TSPAN19: variants seen among roughly 807,000 people sequenced by gnomAD.
TSPAN19 encodes the protein tetraspanin 19.
TSPAN19 carries 44 observed loss-of-function variants against 35.1 expected under a neutral mutation model. That is an observed-to-expected ratio of 1.25 (90% confidence interval 0.98 to 1.61). The LOEUF (loss-of-function observed/expected upper bound fraction) is 1.61. Ranked by LOEUF, TSPAN19 falls within the 40% of genes most tolerant of loss-of-function variation. The pLI, the probability that TSPAN19 is intolerant of heterozygous loss-of-function variation, is 0.00. For synonymous variants in TSPAN19, 79 were observed against 92.0 expected (o/e 0.86, Z 0.81); for missense variants, 290 against 280.0 (o/e 1.04, Z -0.26).
At chr12:85,028,307 A>T (rs1409322828) in intron 3 of TSPAN19, among the ~76,000 whole-genome samples, 7 of 152,076 alleles carry the variant, frequency 4.6e-5, no homozygotes, top group East Asian at 3.9e-4. Flanking sequence ...GATAGAATAA[A>T]TTTTTTTCTA....
At chr12:85,030,080 G>T in intron 1 of TSPAN19, 107 bp from the exon 2 acceptor site, 1 of 878,208 alleles carries the variant, frequency 1.1e-6, no homozygotes, top group South Asian at 2.4e-5. Flanking sequence ...TCAATTATCA[G>T]TATAACATAC....
chr12:85,023,402 TA>T lies in TSPAN19; in HGVS notation c.265-3del. 6.4e-7 allele frequency: 1 copy of T among 1,571,490 alleles called. No individual in the cohort carries two copies. ...GGTCCATGTTATCAATACTGCATACTAAAACAAAAGAAAAATAGAGATGATG... is the reference window on the plus strand; with the variant it reads ...GGTCCATGTTATCAATACTGCATACTAAACAAAAGAAAAATAGAGATGATG... On this transcript the variant is annotated splice_region_variant and splice_polypyrimidine_tract_variant and intron_variant, in intron 4 of 8. Coordinates refer to ENST00000532498, the MANE Select transcript of TSPAN19 (RefSeq NM_001100917.2).
chr12:85,018,957 G>A (rs1876966634), intron 6 of TSPAN19, among the ~76,000 whole-genome samples: 1 of 151,610 alleles, frequency 6.6e-6, no homozygotes, highest in African/African-American at 2.4e-5. Flanking sequence ...TATATTCCAG[G>A]TGCTGATCTA....
intron 4 of TSPAN19, among the ~76,000 whole-genome samples, chr12:85,023,606 AAGAG>A (rs1377702115): frequency 6.6e-6 from 1 of 152,158 alleles, no homozygotes; most frequent in African/African-American, 2.4e-5. Context: ...GGATAAGAGC[AAGAG>A]AGAAAGAAGT....
intron 4 of TSPAN19, 108 bp downstream of exon 4, chr12:85,027,791 A>T: frequency 9.1e-7 from 1 of 1,103,204 alleles, no homozygotes; most frequent in Non-Finnish European, 1.3e-6. Flanking sequence ...TACTCTAAGG[A>T]CATACTCTAC....
At chr12:85,027,252 C>A (rs137988787) in intron 4 of TSPAN19, among the ~76,000 whole-genome samples, 1 of 151,906 alleles carries the variant, frequency 6.6e-6, no homozygotes, top group African/African-American at 2.4e-5. Context: ...TATAAGTTAC[C>A]TTTCATGGCA....
Position 85,017,603 on chromosome 12 carries a change from G to A in TSPAN19, c.451-4C>T. 1.3e-6 allele frequency: 2 copies of A among 1,541,094 alleles called. No homozygotes were observed. The highest frequency in any genetic ancestry group is 1.7e-6 in the Non-Finnish European group (2 of 1,144,960). On this transcript the variant is annotated splice_region_variant and splice_polypyrimidine_tract_variant and intron_variant, in intron 6 of 8. Coordinates refer to ENST00000532498, the MANE Select transcript of TSPAN19 (RefSeq NM_001100917.2). The stretch of plus-strand genomic sequence containing the variant: ...TATGTTGGCCACAACACTGTAACTA[G>A]GAAAAAGCTTATATGAATTTTACCA...
chr12:85,029,402 C>A (rs955638688), intron 3 of TSPAN19, among the ~76,000 whole-genome samples: 1 of 152,014 alleles, frequency 6.6e-6, no homozygotes, highest in African/African-American at 2.4e-5. Context: ...ATTAGCATGT[C>A]CGGTCATCTC....
chr12:85,022,624 G>T (rs910792318), intron 5 of TSPAN19, among the ~76,000 whole-genome samples: 12 of 152,024 alleles, frequency 7.9e-5, no homozygotes, highest in African/African-American at 2.4e-4. Flanking sequence ...AAGCAAGTTG[G>T]TGATCCCTAA....
At chr12:85,035,576 C>A (rs1404867) in intron 1 of TSPAN19, among the ~76,000 whole-genome samples, 33,273 of 151,856 alleles carry the variant, frequency 0.22, 4,301 homozygotes, top group Admixed American at 0.3. Context: ...GAAATATTTG[C>A]TTTTAGCTTA....
At position 85,031,714 on chromosome 12, in the gene TSPAN19, T is replaced by A. The variant is rs186253450; in HGVS notation, c.-27-1741A>T. 2.6e-5 allele frequency among the ~76,000 whole-genome samples: 4 copies of A among 152,202 alleles called. No homozygotes were observed. In the East Asian group the frequency reaches 7.7e-4, roughly 29 times the overall value. ...GCTTCCAAATTGGCTCCAGGTGCCA[T>A]CTTTTATAGCTAACAGAAAGGGAAG... On this transcript the variant is annotated intron_variant, in intron 1 of 8. Transcript: ENST00000532498.
At chr12:85,033,273 A>T (rs1877766807) in intron 1 of TSPAN19, among the ~76,000 whole-genome samples, 1 of 152,130 alleles carries the variant, frequency 6.6e-6, no homozygotes, top group Non-Finnish European at 1.5e-5. Flanking sequence ...CATGGATCAG[A>T]GTGGCAAGAG....
chr12:85,019,690 T>C lies in TSPAN19; in HGVS notation c.386A>G (p.Tyr129Cys). Residue 129 changes from tyrosine to cysteine, a missense_variant, in exon 6 of 9, where the codon TAT becomes TGT. Coordinates refer to ENST00000532498, the MANE Select transcript of TSPAN19 (RefSeq NM_001100917.2). ...HDKIDFVISEYGSKDKPEDIT... is the reference protein window; with the variant it reads ...HDKIDFVISECGSKDKPEDIT... Reference sequence around the variant, plus strand: ...ATCTTCAGGCTTATCTTTAGATCCATACTCAGAAATGACAAAATCAATTTT... The same window carrying C: ...ATCTTCAGGCTTATCTTTAGATCCACACTCAGAAATGACAAAATCAATTTT... 3.1e-6 allele frequency: 5 copies of C among 1,609,452 alleles called. No homozygotes were observed. The highest frequency in any genetic ancestry group is 4.2e-6 in the Non-Finnish European group (5 of 1,177,532).
rs1050287147 is a variant in TSPAN19 at position 85,032,686 on chromosome 12, G to A, written c.-27-2713C>T. Among the ~76,000 whole-genome samples, 4 of 152,132 alleles carry A rather than the reference G, an allele frequency of 2.6e-5. No homozygotes were observed. The South Asian group carries it at 8.3e-4, about 31-fold the overall frequency. On this transcript the variant is annotated intron_variant, in intron 1 of 8. Coordinates refer to ENST00000532498, the MANE Select transcript of TSPAN19 (RefSeq NM_001100917.2). ...TTTCAGCCATAAGCTCCACATACTG[G>A]AAACAACGTCAATGAGAACAATGAC...
At chr12:85,025,222 G>A (rs892444471) in intron 4 of TSPAN19, among the ~76,000 whole-genome samples, 1 of 150,322 alleles carries the variant, frequency 6.7e-6, no homozygotes, top group East Asian at 2.0e-4. Context: ...TGCAACCTTC[G>A]CCTCCCAGGT....
At chr12:85,032,838 G>A (rs921344270) in intron 1 of TSPAN19, among the ~76,000 whole-genome samples, 1 of 152,076 alleles carries the variant, frequency 6.6e-6, no homozygotes, top group African/African-American at 2.4e-5. Flanking sequence ...ATAAGGTCCT[G>A]GTGTGGCATT....
At chr12:85,025,405 G>A (rs1877352223) in intron 4 of TSPAN19, among the ~76,000 whole-genome samples, 1 of 152,116 alleles carries the variant, frequency 6.6e-6, no homozygotes, top group African/African-American at 2.4e-5. Context: ...CTCCCAAATG[G>A]TTGGGATTAC....
Position 85,014,517 on chromosome 12 carries a change from G to A in TSPAN19, c.717C>T (p.Asn239=), listed in dbSNP as rs1403346867. ...QVSLTVCFFK[N]IKNIIHAEM is the part of the protein sequence containing the mutation. ...TTTCTGCATGGATTATATTCTTGAT[G>A]TTTTTGAAGAAACAAACTGTTAATG... The change falls in exon 9 of 9, where the codon AAC becomes AAT. Residue 239 remains asparagine (N), a synonymous_variant. Transcript: ENST00000532498. 2 of 1,604,612 alleles carry A rather than the reference G, an allele frequency of 1.2e-6. No individual in the cohort carries two copies. Among genetic ancestry groups the A allele is most frequent in the Non-Finnish European group, 8.5e-7 (1 of 1,174,942 alleles).
At chr12:85,025,004 GA>G (rs1236386460) in intron 4 of TSPAN19, among the ~76,000 whole-genome samples, 5 of 150,204 alleles carry the variant, frequency 3.3e-5, no homozygotes, top group South Asian at 2.1e-4. Context: ...TAGTTTCAGA[GA>G]AAAAAAAATT....
Sources: allele counts gnomAD v4.1 joint callset (sites outside exome capture counted in the v4.1 genomes callset), GRCh38; gene constraint gnomAD v4.1.1; transcripts MANE v1.5; gene names NCBI Gene and HGNC (gene_info 2026-07-23, HGNC 2026-07-21).